The following DCDC1 variants were observed in gnomAD, a reference collection of about 807,000 sequenced individuals.
DCDC1 encodes doublecortin domain-containing protein 1.
In DCDC1, 200 loss-of-function variants were observed where a neutral mutation model predicts 178.3. The observed-to-expected ratio is 1.12, with a 90% CI of 1.00 to 1.26. The LOEUF is 1.26. Ranked by LOEUF, DCDC1 falls within the 50% of genes most tolerant of loss-of-function variation. The pLI is 0.00. For synonymous variants in DCDC1, 690 were observed against 604.8 expected, an observed-to-expected ratio of 1.14 and a Z score of -2.07; for missense variants, 1,983 against 1,749.2, an observed-to-expected ratio of 1.13 and a Z score of -2.38.
chr11:31,328,594 A>G (rs112615364), intron 2 of DCDC1, among the ~76,000 whole-genome samples: 1 of 152,030 alleles, frequency 6.6e-6, no homozygotes, highest in Admixed American at 6.6e-5. Context: ...GTCAGGAGAT[A>G]GAGACCATCC....
rs74966859 is a variant in DCDC1 at position 31,032,939 on chromosome 11, C to A, written c.2591+31530G>T. 3.1e-3 allele frequency among the ~76,000 whole-genome samples: 478 copies of A among 152,132 alleles called. 24 individuals are homozygous for A. The East Asian group carries it at 0.083, about 26-fold the overall frequency. On this transcript the variant is annotated intron_variant, in intron 20 of 38. Transcript: ENST00000684477. The stretch of plus-strand genomic sequence containing the variant: ...GGATCTATTTTAAAAGATAGCGGCG[C>A]CTGCTTTTCCCCTAATCCTTGTAAA...
At position 31,109,565 on chromosome 11, in the gene DCDC1, C is replaced by T. The variant is rs185961961; in HGVS notation, c.1587+695G>A. 4.6e-5 allele frequency among the ~76,000 whole-genome samples: 7 copies of T among 152,192 alleles called. No individual in the cohort carries two copies. The East Asian group carries it at 1.4e-3, about 29-fold the overall frequency. On this transcript the variant is annotated intron_variant, in intron 12 of 38. Transcript: ENST00000684477. Reference sequence around the variant, plus strand: ...CAACTTTTTCGATTGGCTGTAAAAGCCAGGTAATGGATACCACCAGGAGAG... The same window carrying T: ...CAACTTTTTCGATTGGCTGTAAAAGTCAGGTAATGGATACCACCAGGAGAG...
intron 7 of DCDC1, among the ~76,000 whole-genome samples, chr11:31,268,672 C>T (rs1026313569): frequency 6.6e-6 from 1 of 152,174 alleles, no homozygotes; most frequent in Non-Finnish European, 1.5e-5. Flanking sequence ...CAGAACAGTG[C>T]TGTGATGAAC....
intron 3 of DCDC1, 65 bp from the exon 4 acceptor site, chr11:31,307,973 A>G: frequency 1.9e-6 from 3 of 1,584,196 alleles, no homozygotes; most frequent in Non-Finnish European, 2.6e-6. Context: ...AACAAATACC[A>G]TATAATAACG....
At chr11:31,156,147 CAA>C (rs1965697486) in intron 9 of DCDC1, 1 of 152,016 alleles carries the variant, frequency 6.6e-6, no homozygotes, top group Non-Finnish European at 1.5e-5. Flanking sequence ...ACTTAAATAA[CAA>C]GAGGGAAAAG....
intron 20 of DCDC1, among the ~76,000 whole-genome samples, chr11:31,035,445 T>C (rs909951764): frequency 3.9e-5 from 6 of 152,242 alleles, no homozygotes; most frequent in Non-Finnish European, 7.3e-5. Context: ...TCATGACGTT[T>C]ATGCTTTTGA....
intron 21 of DCDC1, among the ~76,000 whole-genome samples, chr11:30,932,722 T>C (rs1335454648): frequency 6.6e-6 from 1 of 152,110 alleles, no homozygotes; most frequent in African/African-American, 2.4e-5. Flanking sequence ...AGAAATGTCA[T>C]AGAACTGAGT....
At chr11:31,209,136 T>C (rs1329852552) in intron 9 of DCDC1, among the ~76,000 whole-genome samples, 2 of 152,108 alleles carry the variant, frequency 1.3e-5, no homozygotes, top group Non-Finnish European at 2.9e-5. Flanking sequence ...GGAAATTCAG[T>C]CTGAATTTAA....
chr11:31,073,338 T>C (rs2135535193), intron 18 of DCDC1, among the ~76,000 whole-genome samples: 2 of 152,132 alleles, frequency 1.3e-5, no homozygotes, highest in Middle Eastern at 6.8e-3. Context: ...AAAAGAAAGG[T>C]AAAATGAGTA....
chr11:30,876,888 G>T (rs186500299), intron 38 of DCDC1, among the ~76,000 whole-genome samples: 1 of 151,858 alleles, frequency 6.6e-6, no homozygotes, highest in African/African-American at 2.4e-5. Context: ...CCTTTCCAAC[G>T]GGGAGCAAGT....
At chr11:31,098,288 G>A (rs1016800441) in intron 15 of DCDC1, among the ~76,000 whole-genome samples, 14 of 152,132 alleles carry the variant, frequency 9.2e-5, no homozygotes, top group African/African-American at 3.4e-4. Context: ...CCCTTAAACT[G>A]AGTCAATCTA....
At chr11:31,050,158 G>A (rs544985768) in intron 20 of DCDC1, among the ~76,000 whole-genome samples, 1 of 152,240 alleles carries the variant, frequency 6.6e-6, no homozygotes, top group South Asian at 2.1e-4. Context: ...AGGGCTGTTG[G>A]GGGTGGGCAC....
At chr11:31,283,300 C>T (rs1929024) in intron 7 of DCDC1, among the ~76,000 whole-genome samples, 86,741 of 151,814 alleles carry the variant, frequency 0.57, 25,466 homozygotes, top group East Asian at 0.93. Flanking sequence ...TGGATAGCTT[C>T]ATTGCCCTGT....
chr11:31,300,879 C>T (rs896975270), intron 6 of DCDC1, among the ~76,000 whole-genome samples: 1 of 152,104 alleles, frequency 6.6e-6, no homozygotes, highest in African/African-American at 2.4e-5. Context: ...TATAATTCAA[C>T]ATTTTATGGT....
intron 18 of DCDC1, among the ~76,000 whole-genome samples, chr11:31,075,893 C>A (rs1956834880): frequency 6.6e-6 from 1 of 152,102 alleles, no homozygotes; most frequent in Non-Finnish European, 1.5e-5. Context: ...CTCTTGTTGC[C>A]CATACTGGAG....
intron 9 of DCDC1, among the ~76,000 whole-genome samples, chr11:31,142,950 G>C (rs143458862): frequency 6.6e-6 from 1 of 152,064 alleles, no homozygotes; most frequent in Non-Finnish European, 1.5e-5. Context: ...CAAATTGATC[G>C]CACTTTCCCT....
chr11:30,914,595 C>A (rs917641630), intron 27 of DCDC1, among the ~76,000 whole-genome samples: 7 of 110,250 alleles, frequency 6.3e-5, no homozygotes, highest in Admixed American at 1.1e-4. Context: ...GAATTGTTTT[C>A]TTTTTTGTTC....
chr11:31,311,000 T>A (rs1256582222), intron 3 of DCDC1, among the ~76,000 whole-genome samples: 3 of 152,198 alleles, frequency 2.0e-5, no homozygotes, highest in African/African-American at 7.2e-5. Context: ...CTTCTGTGTC[T>A]ACCTGCCTCT....
At chr11:31,129,451 G>A (rs1411919410) in intron 10 of DCDC1, among the ~76,000 whole-genome samples, 1 of 151,964 alleles carries the variant, frequency 6.6e-6, no homozygotes, top group Non-Finnish European at 1.5e-5. Flanking sequence ...TTTTGGCTTT[G>A]TAGGCCATAA....
Sources: allele counts gnomAD v4.1 joint callset (sites outside exome capture counted in the v4.1 genomes callset), GRCh38; gene constraint gnomAD v4.1.1; transcripts MANE v1.5; gene names NCBI Gene and HGNC (gene_info 2026-07-23, HGNC 2026-07-21).